Variants in COL12A1 observed in about 807,000 individuals in gnomAD.
The protein encoded by COL12A1 is collagen alpha-1(XII) chain.
A neutral mutation model predicts 349.7 loss-of-function variants in COL12A1; 114 were observed. The observed-to-expected ratio is 0.33, with a 90% CI of 0.28 to 0.38. The LOEUF (loss-of-function observed/expected upper bound fraction) is 0.38. COL12A1 is among the 10% of genes least tolerant of loss of function. The probability of loss-of-function intolerance (pLI) is 1.00; values close to 1 mark genes in which losing one functional copy is unlikely to be tolerated. For synonymous variants in COL12A1, 1,369 were observed against 1,329.0 expected (o/e 1.03, Z -0.66); for missense variants, 3,284 against 3,756.9 (o/e 0.87, Z 3.29).
intron 13 of COL12A1, among the ~76,000 whole-genome samples, chr6:75,167,671 A>T (rs1263962743): frequency 6.6e-6 from 1 of 152,180 alleles, no homozygotes; most frequent in Non-Finnish European, 1.5e-5. Context: ...GAAAAATAAT[A>T]GGAAGAGAAT....
intron 57 of COL12A1, 56 bp from the exon 58 acceptor site, chr6:75,101,709 A>C: frequency 6.4e-7 from 1 of 1,568,946 alleles, no homozygotes. Flanking sequence ...TGTGTGGGAG[A>C]GAATCTTTGT....
At chr6:75,174,794 C>T (rs898281280) in intron 13 of COL12A1, among the ~76,000 whole-genome samples, 1 of 152,172 alleles carries the variant, frequency 6.6e-6, no homozygotes, top group African/African-American at 2.4e-5. Flanking sequence ...AAACACATCT[C>T]TTTGGTCTTA....
chr6:75,203,281 AC>A (rs1451674746), intron 1 of COL12A1, among the ~76,000 whole-genome samples: 3 of 152,194 alleles, frequency 2.0e-5, no homozygotes, highest in Non-Finnish European at 2.9e-5. Context: ...AGTATAATAA[AC>A]CTTTTTAATT....
intron 58 of COL12A1, among the ~76,000 whole-genome samples, chr6:75,099,460 T>A (rs1168161244): frequency 6.6e-6 from 1 of 152,234 alleles, no homozygotes; most frequent in African/African-American, 2.4e-5. Flanking sequence ...ATCGTAAATA[T>A]TGTATTTCTA....
chr6:75,121,540 A>G, intron 43 of COL12A1, 99 bp from the exon 44 acceptor site: 2 of 1,361,292 alleles, frequency 1.5e-6, no homozygotes, highest in Non-Finnish European at 9.7e-7. Context: ...CTTGCTACGC[A>G]AAGTGTGGTT....
rs1327720152 is a variant in COL12A1 at position 75,181,016 on chromosome 6, A to G, written c.2087T>C (p.Leu696Ser). ...CTCCGCAGTCACATTGACCAAATAC[A>G]AGGTCTCTGGCTTCAGGCTGCTGAG... The part of the protein sequence containing the change: ...VVLSSLKPET[L>S]YLVNVTAEYE... Residue 696 changes from leucine (L) to serine (S), a missense_variant, in exon 11 of 66, where the codon TTG (leucine) becomes TCG (serine). By Grantham distance (145) the Leu-to-Ser change is moderately radical. This residue lies in a region of COL12A1 where 2,601 missense variants were observed against 2,824.8 expected (regional missense o/e 0.92). Coordinates refer to ENST00000322507, the MANE Select transcript of COL12A1 (RefSeq NM_004370.6). 1 of 1,614,080 alleles carries G rather than the reference A, an allele frequency of 6.2e-7. No homozygotes were observed. Among genetic ancestry groups the G allele is most frequent in the Non-Finnish European group, 8.5e-7 (1 of 1,180,020 alleles).
chr6:75,112,837 G>A (rs973550245), intron 51 of COL12A1, among the ~76,000 whole-genome samples: 2 of 151,136 alleles, frequency 1.3e-5, no homozygotes, highest in African/African-American at 4.8e-5. Flanking sequence ...TCAATAAAAA[G>A]CAAGCAGAAG....
chr6:75,135,644 G>A (rs898070454), intron 31 of COL12A1, among the ~76,000 whole-genome samples: 2 of 152,170 alleles, frequency 1.3e-5, no homozygotes, highest in African/African-American at 4.8e-5. Flanking sequence ...ACATGTAGAT[G>A]GCTGGATGTG....
At chr6:75,130,754 C>A (rs954644122) in intron 36 of COL12A1, 98 bp downstream of exon 36, 2 of 1,486,134 alleles carry the variant, frequency 1.3e-6, no homozygotes, top group East Asian at 2.3e-5. Context: ...CAGAAAGCAC[C>A]CATCTCTCAC....
In COL12A1 at chr6:75,151,987, C is replaced by T; in HGVS notation, c.3880G>A (p.Ala1294Thr). Residue 1294 changes from alanine to threonine, a missense_variant, in exon 20 of 66, where the codon GCT (alanine) becomes ACT (threonine). Coordinates refer to ENST00000322507, the MANE Select transcript of COL12A1 (RefSeq NM_004370.6). Reference sequence around the variant, plus strand: ...TTTCGAGCTCGAGGTCTCATGCCAGCTTGGGTCCTGAAGTTCTGTTGGCGA... The same window carrying T: ...TTTCGAGCTCGAGGTCTCATGCCAGTTTGGGTCCTGAAGTTCTGTTGGCGA... ...FIRQQNFRTQ[A>T]GMRPRARKIG... 1.2e-6 allele frequency: 2 copies of T among 1,613,888 alleles called. No individual in the cohort carries two copies. Among genetic ancestry groups the T allele is most frequent in the East Asian group, 2.2e-5 (1 of 44,876 alleles).
chr6:75,185,308 C>A (rs1769554711), intron 8 of COL12A1, among the ~76,000 whole-genome samples: 1 of 152,118 alleles, frequency 6.6e-6, no homozygotes, highest in Non-Finnish European at 1.5e-5. Flanking sequence ...AAATTGCCAG[C>A]ATTCCTATAC....
At chr6:75,140,674 A>AAAAAAAAAAAAAAAAAAAC (rs1766848717) in intron 27 of COL12A1, among the ~76,000 whole-genome samples, 1 of 151,460 alleles carries the variant, frequency 6.6e-6, no homozygotes, top group African/African-American at 2.4e-5. Flanking sequence ...AAAAAAAAAA[A>AAAAAAAAAAAAAAAAAAAC]AAAAGCAGGT....
chr6:75,142,672 C>T (rs978594941), intron 26 of COL12A1, among the ~76,000 whole-genome samples: 1 of 152,212 alleles, frequency 6.6e-6, no homozygotes, highest in African/African-American at 2.4e-5. Flanking sequence ...CCAAAAATGC[C>T]TCTGAGATTC....
chr6:75,138,355 A>T lies in COL12A1; in HGVS notation c.5231-15T>A, dbSNP rs1157373404. On this transcript the variant is annotated splice_polypyrimidine_tract_variant and intron_variant, in intron 29 of 65. Transcript: ENST00000322507. ...TAAGATAGGCACTAAAAGAAAACAG[A>T]ATTTGGGAACACATTACTAATATAG... is the stretch of plus-strand genomic sequence containing the variant. 6.2e-7 allele frequency: 1 copy of T among 1,610,678 alleles called. No individual in the cohort carries two copies. Among genetic ancestry groups the T allele is most frequent in the Non-Finnish European group, 8.5e-7 (1 of 1,179,180 alleles).
Position 75,103,818 on chromosome 6 carries a change from A to T in COL12A1, c.8266-8T>A, listed in dbSNP as rs1274360736. On this transcript the variant is annotated splice_region_variant and splice_polypyrimidine_tract_variant and intron_variant, in intron 54 of 65. Coordinates refer to ENST00000322507, the MANE Select transcript of COL12A1 (RefSeq NM_004370.6). ...TTTAGCACCAGGTCCTCCCTAAAATACATAGAGCACATAGTAGTGTGAACA... is the reference window on the plus strand; with the variant it reads ...TTTAGCACCAGGTCCTCCCTAAAATTCATAGAGCACATAGTAGTGTGAACA... 1 of 1,609,604 alleles carries T rather than the reference A, an allele frequency of 6.2e-7. No homozygotes were observed. Among genetic ancestry groups the T allele is most frequent in the Admixed American group, 1.7e-5 (1 of 59,874 alleles).
At position 75,175,303 on chromosome 6, in the gene COL12A1, C is replaced by T. The variant is rs201021998; in HGVS notation, c.2445G>A (p.Gly815=). The part of the protein sequence containing the change: ...TGNAATEEVR[G]NPRDLRVSDP... ...CAGAAACTCTTAAGTCTCTTGGATT[C>T]CCTCTAACTTCATTAAAAAATGACA... Residue 815 remains glycine (G), a synonymous_variant, in exon 13 of 66, where the codon GGG becomes GGA. Transcript: ENST00000322507. The T allele has an allele frequency of 4.2e-5, 67 of 1,606,632 alleles. No individual in the cohort carries two copies. Among genetic ancestry groups the T allele is most frequent in the Middle Eastern group, 1.7e-4 (1 of 6,002 alleles).
Position 75,117,392 on chromosome 6 carries a change from A to G in COL12A1, c.7509T>C (p.Thr2503=). The G allele has an allele frequency of 6.2e-7, 1 of 1,613,284 alleles. No individual in the cohort carries two copies. The highest frequency in any genetic ancestry group is 8.5e-7 in the Non-Finnish European group (1 of 1,179,374). Residue 2503 remains threonine, a synonymous_variant, in exon 47 of 66, where the codon ACT becomes ACC. Coordinates refer to ENST00000322507, the MANE Select transcript of COL12A1 (RefSeq NM_004370.6). ...EDNLITFVCE[T]ATSSCPLIYL... ...TTGACTGTGACTTACTTGAAGTGGC[A>G]GTTTCACAAACAAATGTAATAAGAT... is the stretch of plus-strand genomic sequence containing the variant.
Position 75,089,182 on chromosome 6 carries a change from G to A in COL12A1, c.8942-8C>T, listed in dbSNP as rs2149325433. The stretch of plus-strand genomic sequence containing the variant: ...CTTTCTCTCCTGGCAAACCTAAGGA[G>A]GGAGAAAAAGAGAAAGCACAGGGGA... On this transcript the variant is annotated splice_region_variant and splice_polypyrimidine_tract_variant and intron_variant, in intron 63 of 65. Coordinates refer to ENST00000322507, the MANE Select transcript of COL12A1 (RefSeq NM_004370.6). The A allele has an allele frequency of 6.3e-7, 1 of 1,596,806 alleles. No individual in the cohort carries two copies. Among genetic ancestry groups the A allele is most frequent in the Non-Finnish European group, 8.5e-7 (1 of 1,174,272 alleles).
At chr6:75,102,104 A>G in intron 56 of COL12A1, 52 bp from the exon 57 acceptor site, 1 of 1,556,620 alleles carries the variant, frequency 6.4e-7, no homozygotes, top group Non-Finnish European at 8.8e-7. Flanking sequence ...GAGATTAAGC[A>G]AAAAAGGAAG....
Sources: allele counts gnomAD v4.1 joint callset (sites outside exome capture counted in the v4.1 genomes callset), GRCh38; gene constraint gnomAD v4.1.1; regional missense constraint gnomAD v4.1.1; transcripts MANE v1.5; gene names NCBI Gene and HGNC (gene_info 2026-07-23, HGNC 2026-07-21).